The following CRK variants were observed in gnomAD, a reference collection of about 807,000 sequenced individuals.
CRK encodes adapter molecule crk.
In CRK, 4 loss-of-function variants were observed where a neutral mutation model predicts 29.8. That is an observed-to-expected ratio of 0.13 (90% CI 0.07 to 0.31). The LOEUF (loss-of-function observed/expected upper bound fraction) is 0.31, where lower values mean the gene tolerates loss of function less well. CRK is among the 10% of genes least tolerant of loss of function. The pLI is 1.00. For missense variants in CRK, 274 were observed against 396.5 expected (o/e 0.69, Z 2.62); for synonymous variants, 153 against 164.9 (o/e 0.93, Z 0.55).
At chr17:1,455,820 C>T in intron 1 of CRK, 57 bp downstream of exon 1, 4 of 1,437,982 alleles carry the variant, frequency 2.8e-6, no homozygotes, top group Non-Finnish European at 3.6e-6. Context: ...GCCAGCCAGG[C>T]TGGGAGTTCC....
chr17:1,432,733 C>T (rs1250310531), intron 2 of CRK, among the ~76,000 whole-genome samples: 4 of 150,106 alleles, frequency 2.7e-5, no homozygotes, highest in African/African-American at 7.4e-5. Flanking sequence ...GCCGAGATCA[C>T]GCCACTGCAC....
intron 2 of CRK, among the ~76,000 whole-genome samples, chr17:1,430,171 C>G (rs977051191): frequency 6.7e-6 from 1 of 149,276 alleles, no homozygotes; most frequent in African/African-American, 2.5e-5. Context: ...CAGCCTCCCA[C>G]GTAGTTGGGA....
intron 1 of CRK, 44 bp downstream of exon 1, chr17:1,455,833 G>T: frequency 6.9e-7 from 1 of 1,455,856 alleles, no homozygotes. Context: ...GGAGTTCCGC[G>T]GCCCTCACCC....
intron 2 of CRK, among the ~76,000 whole-genome samples, chr17:1,429,849 C>G (rs1261121355): frequency 1.3e-5 from 2 of 151,500 alleles, no homozygotes; most frequent in Non-Finnish European, 2.9e-5. Flanking sequence ...AGGGGGATCA[C>G]AAGCCCAGGA....
chr17:1,436,036 C>G (rs1404333337), intron 2 of CRK, among the ~76,000 whole-genome samples: 1 of 152,240 alleles, frequency 6.6e-6, no homozygotes, highest in South Asian at 2.1e-4. Flanking sequence ...TGAGGAAGAA[C>G]TGGCTTTTTG....
chr17:1,445,312 T>C (rs573636886), intron 1 of CRK, among the ~76,000 whole-genome samples: 53 of 152,290 alleles, frequency 3.5e-4, no homozygotes, highest in African/African-American at 1.3e-3. Context: ...ACATTTTTCA[T>C]ATTACCCAAA....
intron 2 of CRK, among the ~76,000 whole-genome samples, chr17:1,431,647 G>A (rs71357198): frequency 0.025 from 3,845 of 152,160 alleles, 62 homozygotes; most frequent in Non-Finnish European, 0.037. Context: ...GACTGCAGTA[G>A]CGCAATCATA....
chr17:1,454,531 A>C (rs530441271), intron 1 of CRK, among the ~76,000 whole-genome samples: 1 of 152,320 alleles, frequency 6.6e-6, no homozygotes, highest in South Asian at 2.1e-4. Context: ...AGAGTAAAAT[A>C]AAAATTGGTG....
chr17:1,449,730 C>T (rs1459189061), intron 1 of CRK, among the ~76,000 whole-genome samples: 1 of 152,138 alleles, frequency 6.6e-6, no homozygotes, highest in African/African-American at 2.4e-5. Flanking sequence ...TCTTGAAGCC[C>T]AACCTGACAG....
At chr17:1,441,810 A>G (rs1040002740) in intron 1 of CRK, among the ~76,000 whole-genome samples, 1 of 151,470 alleles carries the variant, frequency 6.6e-6, no homozygotes, top group East Asian at 1.9e-4. Flanking sequence ...CTGATTTTGA[A>G]ATTTTTTTTA....
chr17:1,455,859 G>A lies in CRK; in HGVS notation c.241+18C>T. 1.3e-6 allele frequency: 2 copies of A among 1,543,828 alleles called. No homozygotes were observed. The highest frequency in any genetic ancestry group is 1.2e-5 in the South Asian group (1 of 84,666). ...GCCCTCACCCCGCCCAGGGCCCGCC[G>A]TCCCGTCAGTCCCTCACCGGGCGGA... On this transcript the variant is annotated intron_variant, in intron 1 of 2. Transcript: ENST00000300574.
rs1056127030 is a variant in CRK at position 1,422,910 on chromosome 17, G to A, written c.*603C>T. 2.5e-6 allele frequency: 1 copy of A among 398,826 alleles called. No individual in the cohort carries two copies. Among genetic ancestry groups the A allele is most frequent in the African/African-American group, 2.1e-5 (1 of 48,614 alleles). 24.7% of individuals were successfully genotyped at this position (398,826 alleles called of 1,614,324 possible). On this transcript the variant is annotated 3_prime_UTR_variant, in exon 3 of 3. Coordinates refer to ENST00000300574, the MANE Select transcript of CRK (RefSeq NM_016823.4). ...CAGGTTTGGGGGACAAGAATGTCAA[G>A]GGCTAAAAGAATCCCAAGAAAAAGT...
At chr17:1,430,182 T>C (rs1054649302) in intron 2 of CRK, among the ~76,000 whole-genome samples, 1 of 146,304 alleles carries the variant, frequency 6.8e-6, no homozygotes, top group Non-Finnish European at 1.5e-5. Context: ...GTAGTTGGGA[T>C]TACAGGCGTG....
At position 1,456,144 on chromosome 17, in the gene CRK, G is replaced by A. The variant is rs1354684711; in HGVS notation, c.-27C>T. The A allele has an allele frequency of 1.8e-5, 26 of 1,465,134 alleles. No individual in the cohort carries two copies. Among genetic ancestry groups the A allele is most frequent in the Non-Finnish European group, 1.8e-5 (20 of 1,109,064 alleles). The allele number at this position is 1,465,134 out of a possible 1,614,324, so 90.8% of individuals were successfully genotyped here. The stretch of plus-strand genomic sequence containing the variant: ...GCTGCCTCCGCGCCTAAACGCTGGG[G>A]TGCCGCCGCCGCGCGCGCCCCTCCG... On this transcript the variant is annotated 5_prime_UTR_variant, in exon 1 of 3. Coordinates refer to ENST00000300574, the MANE Select transcript of CRK (RefSeq NM_016823.4).
At chr17:1,443,488 C>G (rs1358080368) in intron 1 of CRK, among the ~76,000 whole-genome samples, 1 of 150,954 alleles carries the variant, frequency 6.6e-6, no homozygotes. Flanking sequence ...CTCTGCCTCC[C>G]AGGTTCACGC....
chr17:1,443,854 C>CA (rs1373123265), intron 1 of CRK, among the ~76,000 whole-genome samples: 14 of 151,644 alleles, frequency 9.2e-5, no homozygotes, highest in Non-Finnish European at 1.5e-5. Flanking sequence ...CACCCGCCAC[C>CA]ACGCCCGGCT....
At chr17:1,440,931 G>A (rs140716387) in intron 1 of CRK, among the ~76,000 whole-genome samples, 1 of 152,158 alleles carries the variant, frequency 6.6e-6, no homozygotes, top group Non-Finnish European at 1.5e-5. Flanking sequence ...AATGAGTTTT[G>A]TGAGTTTTTG....
intron 2 of CRK, among the ~76,000 whole-genome samples, chr17:1,433,719 A>G (rs904749698): frequency 2.6e-5 from 4 of 151,070 alleles, no homozygotes; most frequent in Non-Finnish European, 5.9e-5. Flanking sequence ...GGGTTTCATC[A>G]TATCGGTCAG....
chr17:1,449,365 T>C (rs1173250636), intron 1 of CRK, among the ~76,000 whole-genome samples: 1 of 152,206 alleles, frequency 6.6e-6, no homozygotes, highest in Non-Finnish European at 1.5e-5. Flanking sequence ...TTTTCCATTT[T>C]GCTTCAAAAG....
Sources: allele counts gnomAD v4.1 joint callset (sites outside exome capture counted in the v4.1 genomes callset), GRCh38; gene constraint gnomAD v4.1.1; transcripts MANE v1.5; gene names NCBI Gene and HGNC (gene_info 2026-07-23, HGNC 2026-07-21).